Variants in CFAP20DC observed in about 807,000 individuals in gnomAD.
The protein encoded by CFAP20DC is protein CFAP20DC.
CFAP20DC carries 84 observed loss-of-function variants against 101.7 expected under a neutral mutation model. The observed-to-expected ratio is 0.83, with a 90% CI of 0.69 to 0.99. The LOEUF is 0.99. Ranked by LOEUF, CFAP20DC falls within the 50% of genes least tolerant of loss-of-function variation. The pLI is 0.00. For synonymous variants in CFAP20DC, 359 were observed against 351.2 expected (o/e 1.02, Z -0.25); for missense variants, 1,007 against 970.3 (o/e 1.04, Z -0.50).
At chr3:58,811,393 T>G (rs531418154) in intron 14 of CFAP20DC, among the ~76,000 whole-genome samples, 1 of 151,874 alleles carries the variant, frequency 6.6e-6, no homozygotes, top group African/African-American at 2.4e-5. Context: ...CCCTCAGAAA[T>G]AACGCCGCAT....
At chr3:58,937,502 A>C in intron 5 of CFAP20DC, 146 bp downstream of exon 5, 1 of 621,696 alleles carries the variant, frequency 1.6e-6, no homozygotes, top group African/African-American at 1.8e-5. Flanking sequence ...AAGCTCTTTC[A>C]AGAGAGGGGA....
intron 15 of CFAP20DC, among the ~76,000 whole-genome samples, chr3:58,794,637 G>A (rs575335088): frequency 6.6e-6 from 1 of 152,268 alleles, no homozygotes; most frequent in South Asian, 2.1e-4. Context: ...CAGGGAAGAA[G>A]TAACCAACTG....
At chr3:58,936,721 C>T (rs1443288344) in intron 5 of CFAP20DC, among the ~76,000 whole-genome samples, 1 of 151,930 alleles carries the variant, frequency 6.6e-6, no homozygotes, top group Non-Finnish European at 1.5e-5. Flanking sequence ...GGGAATTGAA[C>T]AATGAGAACA....
chr3:58,847,889 T>C (rs1443524121), intron 13 of CFAP20DC, among the ~76,000 whole-genome samples: 4 of 117,100 alleles, frequency 3.4e-5, no homozygotes, highest in Non-Finnish European at 7.0e-5. Context: ...AAATTGGAAA[T>C]CATCATTCTC....
chr3:58,933,412 C>T (rs959435545), intron 5 of CFAP20DC, among the ~76,000 whole-genome samples: 1 of 151,898 alleles, frequency 6.6e-6, no homozygotes, highest in Non-Finnish European at 1.5e-5. Context: ...CAGCTCTGCA[C>T]CAAGCGGACC....
Position 58,795,632 on chromosome 3 carries a change from G to A in CFAP20DC, c.2237+10763C>T, listed in dbSNP as rs1368182946. On this transcript the variant is annotated intron_variant, in intron 15 of 16. Coordinates refer to ENST00000482387, the MANE Select transcript of CFAP20DC (RefSeq NM_001394063.1). The surrounding 1 kb of genome is among the most constrained non-coding windows in gnomAD (Gnocchi z 4.2). ...AGACTGAGATCCTGTCTTCAAAAAG[G>A]AAAACATAGAAAAAGCAAAAGTAAT... Among the ~76,000 whole-genome samples the A allele has an allele frequency of 6.6e-6, 1 of 152,158 alleles. No individual in the cohort carries two copies. Among genetic ancestry groups the A allele is most frequent in the Non-Finnish European group, 1.5e-5 (1 of 68,030 alleles).
intron 4 of CFAP20DC, among the ~76,000 whole-genome samples, chr3:59,031,892 A>C (rs1576781992): frequency 6.6e-6 from 1 of 152,204 alleles, no homozygotes; most frequent in Non-Finnish European, 1.5e-5. Context: ...ATCATCTTTC[A>C]AGAGGTGGCT....
chr3:58,849,496 T>G (rs1575914482), intron 12 of CFAP20DC, 87 bp from the exon 13 acceptor site: 1 of 1,015,970 alleles, frequency 9.8e-7, no homozygotes, highest in South Asian at 1.8e-5. Flanking sequence ...TAAATTCATA[T>G]TTTCTATGAA....
At chr3:58,820,493 CCAA>C (rs1340120850) in intron 14 of CFAP20DC, among the ~76,000 whole-genome samples, 192 of 150,282 alleles carry the variant, frequency 1.3e-3, no homozygotes, top group South Asian at 9.1e-3. Context: ...TTCTGATACA[CCAA>C]CAACAGACAA....
At chr3:58,918,125 G>A (rs145219311) in intron 5 of CFAP20DC, among the ~76,000 whole-genome samples, 457 of 152,172 alleles carry the variant, frequency 3.0e-3, no homozygotes, top group Middle Eastern at 0.014. Flanking sequence ...ACACATTACC[G>A]TCAGTGAAAC....
chr3:58,819,501 A>G (rs1451688489), intron 14 of CFAP20DC, among the ~76,000 whole-genome samples: 42 of 149,924 alleles, frequency 2.8e-4, no homozygotes, highest in African/African-American at 1.0e-3. Context: ...CCATCAGAGA[A>G]TACTACAAAC....
intron 12 of CFAP20DC, among the ~76,000 whole-genome samples, chr3:58,851,977 C>T (rs936381198): frequency 6.6e-6 from 1 of 152,166 alleles, no homozygotes; most frequent in Admixed American, 6.5e-5. Context: ...TCTCAAACCA[C>T]TCTTATAATA....
At chr3:58,794,829 A>C (rs1170357879) in intron 15 of CFAP20DC, among the ~76,000 whole-genome samples, 1 of 152,188 alleles carries the variant, frequency 6.6e-6, no homozygotes, top group Non-Finnish European at 1.5e-5. Context: ...AAAGTCACAT[A>C]GTAGGTACTT....
At position 58,912,432 on chromosome 3, in the gene CFAP20DC, C is replaced by T. The variant is rs111316436; in HGVS notation, c.550+1276G>A. On this transcript the variant is annotated intron_variant, in intron 6 of 16. Transcript: ENST00000482387. The surrounding 1 kb of genome is among the most constrained non-coding windows in gnomAD (Gnocchi z 4.4). The stretch of plus-strand genomic sequence containing the variant: ...TCTTTGGAGAGCTGTTAATACACTG[C>T]TGTGCTTTATTATCAAATGAAATTT... The T allele has an allele frequency of 3.5e-5, 8 of 228,412 alleles. No homozygotes were observed. The highest frequency in any genetic ancestry group is 1.4e-4 in the African/African-American group (6 of 43,308). The allele number at this position is 228,412 out of a possible 1,614,324, so 14.1% of individuals were successfully genotyped here.
intron 4 of CFAP20DC, among the ~76,000 whole-genome samples, chr3:58,975,225 C>T (rs2092207626): frequency 6.6e-6 from 1 of 152,040 alleles, no homozygotes; most frequent in Admixed American, 6.6e-5. Flanking sequence ...ATATTCTTAT[C>T]ACCTTATCTA....
At chr3:58,855,752 A>G (rs1383836678) in intron 12 of CFAP20DC, among the ~76,000 whole-genome samples, 2 of 149,650 alleles carry the variant, frequency 1.3e-5, no homozygotes, top group African/African-American at 2.5e-5. Context: ...ACTAAACACC[A>G]CATATTCTCA....
chr3:58,935,060 G>T (rs1036723394), intron 5 of CFAP20DC, among the ~76,000 whole-genome samples: 134 of 152,274 alleles, frequency 8.8e-4, no homozygotes, highest in Middle Eastern at 3.4e-3. Flanking sequence ...AAGCTGATAA[G>T]CAACTTCAGC....
chr3:58,727,903 T>A (rs919741245), intron 3 of CFAP20DC: 10 of 152,172 alleles, frequency 6.6e-5, no homozygotes, highest in Non-Finnish European at 2.9e-5. Context: ...AGTTGCTATG[T>A]AGAGTGGAAA....
chr3:58,937,859 C>G (rs532667701), intron 4 of CFAP20DC, 97 bp from the exon 5 acceptor site: 1 of 697,654 alleles, frequency 1.4e-6, no homozygotes, highest in East Asian at 2.7e-5. Context: ...TCATACAGAC[C>G]CTTTTCAACA....
Sources: allele counts gnomAD v4.1 joint callset (sites outside exome capture counted in the v4.1 genomes callset), GRCh38; gene constraint gnomAD v4.1.1; non-coding constraint Gnocchi (gnomAD v3.1); transcripts MANE v1.5; gene names NCBI Gene and HGNC (gene_info 2026-07-23, HGNC 2026-07-21).